Variants in CEP83 observed in about 807,000 individuals in gnomAD.
CEP83 encodes the protein centrosomal protein 83.
Under a neutral mutation model 101.9 loss-of-function variants are expected in CEP83, and 70 were observed. That is an observed-to-expected ratio of 0.69 (90% CI 0.57 to 0.84). The LOEUF is 0.84. Ranked by LOEUF, CEP83 falls within the 40% of genes least tolerant of loss-of-function variation. The probability of loss-of-function intolerance (pLI) is 0.00; values close to 1 mark genes in which losing one functional copy is unlikely to be tolerated. For synonymous variants in CEP83, 264 were observed against 267.9 expected, an observed-to-expected ratio of 0.99 and a Z score of 0.14; for missense variants, 715 against 787.2, an observed-to-expected ratio of 0.91 and a Z score of 1.10.
the CEP83 span, among the ~76,000 whole-genome samples, chr12:94,280,737 A>G: frequency 9.2e-5 from 14 of 152,208 alleles, no homozygotes; most frequent in Non-Finnish European, 1.3e-4. Context: ...ACATCTTGCA[A>G]ATATGTGGCT....
chr12:94,411,776 TC>T lies in CEP83; in HGVS notation c.244del (p.Glu82LysfsTer10). ...TTCTTCAAGCAGGAGCTGAAGTTTT[TC>T]CTGCTGAGTTTGCTTTTCATTAAAC... ...HLFNEKQTQQEKLQLLLEELR... is the reference protein window; with the variant it reads ...HLFNEKQTQQXKLQLLLEELR... On this transcript the variant is annotated frameshift_variant, in exon 4 of 17. Coordinates refer to ENST00000397809, the MANE Select transcript of CEP83 (RefSeq NM_016122.3). LOFTEE classifies it high-confidence loss of function. 6.2e-7 allele frequency: 1 copy of T among 1,613,022 alleles called. No individual in the cohort carries two copies. Among genetic ancestry groups the T allele is most frequent in the African/African-American group, 1.3e-5 (1 of 75,058 alleles).
At chr12:94,286,603 A>C in the CEP83 span, among the ~76,000 whole-genome samples, 1 of 124,126 alleles carries the variant, frequency 8.1e-6, no homozygotes, top group Non-Finnish European at 1.6e-5. Context: ...GAGTCACTGT[A>C]TGTGCTTAAA....
intron 4 of CEP83, among the ~76,000 whole-genome samples, chr12:94,410,369 T>G (rs2063803371): frequency 6.6e-6 from 1 of 152,220 alleles, no homozygotes; most frequent in South Asian, 2.1e-4. Flanking sequence ...CTTTACCACA[T>G]GAGAAAACTA....
chr12:94,414,599 T>C (rs1315998752), intron 2 of CEP83, among the ~76,000 whole-genome samples: 2 of 152,240 alleles, frequency 1.3e-5, no homozygotes, highest in Non-Finnish European at 2.9e-5. Flanking sequence ...TACAGTATAC[T>C]GTAAACATAA....
chr12:94,335,518 TA>T, intron 12 of CEP83, 70 bp downstream of exon 12: 2 of 1,030,560 alleles, frequency 1.9e-6, no homozygotes, highest in Non-Finnish European at 2.9e-6. Context: ...AAAATTTTTT[TA>T]AAATTTGCAA....
chr12:94,306,612 T>G (rs1445811823), downstream of CEP83: 2 of 152,166 alleles, frequency 1.3e-5, no homozygotes, highest in Non-Finnish European at 2.9e-5. Flanking sequence ...CCCTTGGTGC[T>G]CCAAATCCCC....
At chr12:94,324,182 T>C (rs894793562) in intron 14 of CEP83, among the ~76,000 whole-genome samples, 1 of 152,238 alleles carries the variant, frequency 6.6e-6, no homozygotes, top group African/African-American at 2.4e-5. Flanking sequence ...TTTTCTATCA[T>C]CTGGAAGAGT....
At position 94,459,032 on chromosome 12, in the gene CEP83, A is replaced by T. The variant is rs931628578; in HGVS notation, c.-155+525T>A. ...AGTATATATCATATACACGAAATTC[A>T]GACAAGTCTTTCCTTATCCTAGAGA... is the stretch of plus-strand genomic sequence containing the variant. On this transcript the variant is annotated intron_variant, in intron 1 of 16. Coordinates refer to ENST00000397809, the MANE Select transcript of CEP83 (RefSeq NM_016122.3). Among the ~76,000 whole-genome samples the T allele has an allele frequency of 2.6e-5, 4 of 152,248 alleles. No homozygotes were observed. In the East Asian group the frequency reaches 7.7e-4, roughly 29 times the overall value.
At chr12:94,446,768 T>C (rs1594121736) in intron 1 of CEP83, among the ~76,000 whole-genome samples, 2 of 152,110 alleles carry the variant, frequency 1.3e-5, no homozygotes, top group Non-Finnish European at 2.9e-5. Flanking sequence ...AAATATGCAG[T>C]GGGAGTTCTA....
At chr12:94,314,473 G>A (rs927086051) in intron 14 of CEP83, among the ~76,000 whole-genome samples, 35 of 152,282 alleles carry the variant, frequency 2.3e-4, no homozygotes, top group Non-Finnish European at 3.1e-4. Context: ...ATCATAGTAT[G>A]TAGTCTTTTA....
At chr12:94,372,573 G>T (rs547634497) in intron 8 of CEP83, among the ~76,000 whole-genome samples, 1 of 152,276 alleles carries the variant, frequency 6.6e-6, no homozygotes, top group South Asian at 2.1e-4. Context: ...TACTATAGCT[G>T]CATGAGGTGG....
At chr12:94,302,792 ATC>A (rs985640109), downstream of CEP83, among the ~76,000 whole-genome samples, 3 of 152,126 alleles carry the variant, frequency 2.0e-5, no homozygotes, top group Non-Finnish European at 4.4e-5. Flanking sequence ...CACTTCATAA[ATC>A]TGTCTTTGCA....
At chr12:94,458,265 T>C (rs760263606) in intron 1 of CEP83, among the ~76,000 whole-genome samples, 1 of 151,618 alleles carries the variant, frequency 6.6e-6, no homozygotes, top group Non-Finnish European at 1.5e-5. Flanking sequence ...CTGCATGGAA[T>C]TCTAAATTGT....
At chr12:94,403,864 G>C (rs75112742) in intron 4 of CEP83, among the ~76,000 whole-genome samples, 6,522 of 143,822 alleles carry the variant, frequency 0.045, 185 homozygotes, top group Admixed American at 0.084. Context: ...AATGAAGGAG[G>C]AACAAATACT....
At chr12:94,413,823 CAT>C (rs1364890594) in intron 2 of CEP83, among the ~76,000 whole-genome samples, 8 of 113,474 alleles carry the variant, frequency 7.1e-5, no homozygotes, top group South Asian at 2.9e-4. Context: ...TCCCATAATA[CAT>C]ACACACACAC....
chr12:94,302,255 C>A (rs563710711), downstream of CEP83, among the ~76,000 whole-genome samples: 1 of 152,202 alleles, frequency 6.6e-6, no homozygotes, highest in South Asian at 2.1e-4. Flanking sequence ...CACTGTGCTA[C>A]AGCTTTTACT....
At chr12:94,267,592 C>A in the CEP83 span, among the ~76,000 whole-genome samples, 2 of 152,098 alleles carry the variant, frequency 1.3e-5, no homozygotes, top group Admixed American at 6.5e-5. Context: ...AAGGAATGGG[C>A]CACTTGTTTT....
At chr12:94,401,479 C>T (rs1438347062) in intron 5 of CEP83, among the ~76,000 whole-genome samples, 1 of 152,130 alleles carries the variant, frequency 6.6e-6, no homozygotes, top group Non-Finnish European at 1.5e-5. Flanking sequence ...CGTGCAGCAT[C>T]ATCTCTACTG....
chr12:94,347,080 CACACACACACACAT>C lies in CEP83; in HGVS notation c.1344-11430_1344-11417del, dbSNP rs2059974086. Among the ~76,000 whole-genome samples, 8 of 142,456 alleles carry C rather than the reference CACACACACACACAT, an allele frequency of 5.6e-5. No individual in the cohort carries two copies. The South Asian group carries it at 1.7e-3, about 31-fold the overall frequency. 93.5% of individuals were successfully genotyped at this position (142,456 alleles called of 152,430 possible). ...ATATATATATATATACACATACACA[CACACACACACACAT>C]ACACACACACACACATACACACACA... On this transcript the variant is annotated intron_variant, in intron 11 of 16. Coordinates refer to ENST00000397809, the MANE Select transcript of CEP83 (RefSeq NM_016122.3).
Sources: gnomAD v4.1 joint callset for allele counts (sites outside exome capture counted in the v4.1 genomes callset) on GRCh38, gnomAD v4.1.1 for gene constraint, MANE v1.5 for transcripts, NCBI Gene and HGNC (gene_info 2026-07-23, HGNC 2026-07-21) for gene names.